CDH17: variants seen among roughly 807,000 people sequenced by gnomAD.
CDH17 encodes the protein cadherin-17.
In CDH17, 67 loss-of-function variants were observed where a neutral mutation model predicts 86.3. That is an observed-to-expected ratio of 0.78 (90% CI 0.64 to 0.95). The LOEUF (loss-of-function observed/expected upper bound fraction) is 0.95, where lower values mean the gene tolerates loss of function less well. Among genes scored for constraint, CDH17 ranks in the 40% least tolerant of loss-of-function variants. CDH17 has a pLI of 0.00. For missense variants in CDH17, 993 were observed against 1,017.6 expected (o/e 0.98, Z 0.33); for synonymous variants, 367 against 366.4 (o/e 1.00, Z -0.02).
At position 94,162,103 on chromosome 8, in the gene CDH17, T is replaced by C. The variant is rs1228849013; in HGVS notation, c.1342A>G (p.Ile448Val). The change falls in exon 11 of 18, where the codon ATC (isoleucine) becomes GTC (valine). Residue 448 changes from isoleucine (I) to valine (V), a missense_variant. Ile to Val is a conservative substitution (Grantham distance 29, BLOSUM62 3). Coordinates refer to ENST00000027335, the MANE Select transcript of CDH17 (RefSeq NM_004063.4). ...NVIDINDQIP[I>V]FEKSDYGNLT... ...CTACTCACATCTGATTTTTCAAAGATGGGGATCTGATCATTGATATCAATA... is the reference window on the plus strand; with the variant it reads ...CTACTCACATCTGATTTTTCAAAGACGGGGATCTGATCATTGATATCAATA... The C allele has an allele frequency of 1.3e-6, 2 of 1,598,206 alleles. No homozygotes were observed. Among genetic ancestry groups the C allele is most frequent in the Admixed American group, 1.7e-5 (1 of 59,954 alleles).
chr8:94,166,020 C>T (rs753595041), intron 9 of CDH17, 44 bp from the exon 10 acceptor site: 7 of 1,164,432 alleles, frequency 6.0e-6, no homozygotes, highest in Non-Finnish European at 8.9e-6. Flanking sequence ...ACAGGCTCCA[C>T]ATAATCTATT....
At chr8:94,193,137 G>A (rs866769625) in intron 2 of CDH17, among the ~76,000 whole-genome samples, 12 of 152,138 alleles carry the variant, frequency 7.9e-5, no homozygotes, top group Admixed American at 5.9e-4. Context: ...TTTCACTCTA[G>A]ATAGAAATCC....
At chr8:94,172,252 C>G (rs1210112231) in intron 7 of CDH17, among the ~76,000 whole-genome samples, 1 of 151,990 alleles carries the variant, frequency 6.6e-6, no homozygotes, top group South Asian at 2.1e-4. Context: ...CAGAAATTCT[C>G]ATGGTAATGA....
chr8:94,192,890 A>G (rs1437843181), intron 2 of CDH17, among the ~76,000 whole-genome samples: 1 of 152,214 alleles, frequency 6.6e-6, no homozygotes, highest in Non-Finnish European at 1.5e-5. Context: ...AGAACAGAAG[A>G]TCTACTCGCA....
At chr8:94,161,281 A>C (rs1813046456) in intron 11 of CDH17, among the ~76,000 whole-genome samples, 1 of 151,906 alleles carries the variant, frequency 6.6e-6, no homozygotes, top group Non-Finnish European at 1.5e-5. Context: ...AGACATATCC[A>C]CTCACACCTC....
chr8:94,142,908 G>A (rs745556763), intron 15 of CDH17, among the ~76,000 whole-genome samples: 4 of 152,150 alleles, frequency 2.6e-5, no homozygotes, highest in Non-Finnish European at 5.9e-5. Context: ...CTCCACTGAA[G>A]TCTTGAACCC....
At chr8:94,209,921 GT>G (rs34920175), upstream of CDH17, among the ~76,000 whole-genome samples, 71,598 of 148,720 alleles carry the variant, frequency 0.48, 17,348 homozygotes, top group Non-Finnish European at 0.54. Context: ...AAATTTATGA[GT>G]TTTTTTTTTT....
intron 12 of CDH17, among the ~76,000 whole-genome samples, chr8:94,159,317 GC>G (rs1396712140): frequency 6.6e-6 from 1 of 152,190 alleles, no homozygotes; most frequent in East Asian, 1.9e-4. Flanking sequence ...CAGAATGAGA[GC>G]CCGTGGGCTT....
Position 94,199,060 on chromosome 8 carries a change from TA to T in CDH17, c.-20-4356del, listed in dbSNP as rs1563589393. ...ATTGATATATATATATATATATATA[TA>T]TATATATATATATATATATATATTT... On this transcript the variant is annotated intron_variant, in intron 1 of 17. Transcript: ENST00000027335. Among the ~76,000 whole-genome samples the T allele has an allele frequency of 1.5e-3, 33 of 21,432 alleles. 2 individuals are homozygous for T. Among genetic ancestry groups the T allele is most frequent in the African/African-American group, 4.3e-3 (27 of 6,334 alleles). The allele number at this position is 21,432 out of a possible 152,430, so 14.1% of individuals were successfully genotyped here. A position where few individuals can be genotyped will look rare whatever the true frequency, so the allele number is the denominator to read the frequency against.
intron 15 of CDH17, among the ~76,000 whole-genome samples, chr8:94,141,090 C>T (rs1449599980): frequency 1.3e-5 from 2 of 152,000 alleles, no homozygotes; most frequent in Non-Finnish European, 2.9e-5. Context: ...GCAAATCCAA[C>T]AATACATAAA....
chr8:94,191,318 T>C (rs1165462555), intron 2 of CDH17, among the ~76,000 whole-genome samples: 1 of 152,152 alleles, frequency 6.6e-6, no homozygotes, highest in Non-Finnish European at 1.5e-5. Flanking sequence ...CTCTGCAACA[T>C]CATGGAATTG....
intron 15 of CDH17, among the ~76,000 whole-genome samples, chr8:94,134,387 G>A (rs1411134819): frequency 6.6e-6 from 1 of 152,040 alleles, no homozygotes; most frequent in Non-Finnish European, 1.5e-5. Context: ...TCTTGGGAAG[G>A]GTGTATGTGT....
intron 7 of CDH17, 131 bp downstream of exon 7, chr8:94,173,666 A>T: frequency 1.4e-6 from 1 of 734,438 alleles, no homozygotes; most frequent in Non-Finnish European, 2.4e-6. Flanking sequence ...GAGGCTATAT[A>T]ATTTGCTTTA....
At chr8:94,200,527 ATTATCTTTTGT>A (rs1297712455) in intron 1 of CDH17, among the ~76,000 whole-genome samples, 1 of 63,238 alleles carries the variant, frequency 1.6e-5, no homozygotes, top group African/African-American at 6.0e-5. Flanking sequence ...GGTTATTATT[ATTATCTTTTGT>A]TTTTTTTTTT....
intron 1 of CDH17, chr8:94,202,947 C>G (rs908782773): frequency 3.1e-6 from 1 of 325,680 alleles, no homozygotes; most frequent in Admixed American, 3.7e-5. Context: ...CCTTCTTGGG[C>G]TTTTTAGCTC....
chr8:94,151,098 T>G (rs1255146611), intron 13 of CDH17, among the ~76,000 whole-genome samples: 2 of 152,224 alleles, frequency 1.3e-5, no homozygotes, highest in African/African-American at 4.8e-5. Context: ...GTGATTTAAG[T>G]CATGCTGAAA....
chr8:94,179,774 C>A lies in CDH17; in HGVS notation c.151-2053G>T, dbSNP rs1275153455. Among the ~76,000 whole-genome samples, 3 of 152,110 alleles carry A rather than the reference C, an allele frequency of 2.0e-5. No homozygotes were observed. The East Asian group carries it at 5.8e-4, about 29-fold the overall frequency. On this transcript the variant is annotated intron_variant, in intron 3 of 17. Coordinates refer to ENST00000027335, the MANE Select transcript of CDH17 (RefSeq NM_004063.4). ...AGCAGACTTCAGTGGCCAGACATGA[C>A]AAAGAATACAGACTTTACAGAATTC...
chr8:94,134,803 A>G (rs1176142339), intron 15 of CDH17, among the ~76,000 whole-genome samples: 1 of 152,210 alleles, frequency 6.6e-6, no homozygotes, highest in African/African-American at 2.4e-5. Context: ...ATTTAATGCT[A>G]TAAATTTCCC....
intron 12 of CDH17, among the ~76,000 whole-genome samples, chr8:94,153,324 T>A (rs1402088393): frequency 6.6e-6 from 1 of 152,124 alleles, no homozygotes; most frequent in African/African-American, 2.4e-5. Flanking sequence ...AGATATTACC[T>A]CACACCTGTT....
Sources: allele counts gnomAD v4.1 joint callset (sites outside exome capture counted in the v4.1 genomes callset), GRCh38; gene constraint gnomAD v4.1.1; transcripts MANE v1.5; gene names NCBI Gene and HGNC (gene_info 2026-07-23, HGNC 2026-07-21).